IGLL5: variants seen among roughly 807,000 people sequenced by gnomAD.
IGLL5 encodes the protein immunoglobulin lambda-like polypeptide 5.
IGLL5 carries 30 observed loss-of-function variants against 20.9 expected under a neutral mutation model. The observed-to-expected ratio is 1.44, with a 90% CI of 1.07 to 1.95. The LOEUF (loss-of-function observed/expected upper bound fraction) is 1.95, where lower values mean the gene tolerates loss of function less well. Ranked by LOEUF, IGLL5 falls within the 30% of genes most tolerant of loss-of-function variation. IGLL5 has a pLI of 0.00. For missense variants in IGLL5, 475 were observed against 270.7 expected (o/e 1.75, Z -5.30); for synonymous variants, 203 against 117.3 (o/e 1.73, Z -4.72).
chr22:22,894,329 A>C (rs553732169), intron 2 of IGLL5, among the ~76,000 whole-genome samples: 3 of 151,390 alleles, frequency 2.0e-5, no homozygotes, highest in Middle Eastern at 7.4e-3. Flanking sequence ...AGGGGAGACC[A>C]ATGGAGGGCA....
chr22:22,895,512 A>T lies in IGLL5; in HGVS notation c.463A>T (p.Ser155Cys), dbSNP rs764577020. Residue 155 changes from serine (S) to cysteine (C), a missense_variant, in exon 3 of 3, where the codon AGC becomes TGC. Coordinates refer to ENST00000526893, the MANE Select transcript of IGLL5 (RefSeq NM_001178126.2). Reference sequence around the variant, plus strand: ...GACAGTGGCCTGGAAGGCAGATGGCAGCCCCGTCAAGGCGGGAGTGGAGAC... The same window carrying T: ...GACAGTGGCCTGGAAGGCAGATGGCTGCCCCGTCAAGGCGGGAGTGGAGAC... ...AVTVAWKADG[S>C]PVKAGVETTK... The T allele has an allele frequency of 6.2e-7, 1 of 1,612,618 alleles. No individual in the cohort carries two copies. Among genetic ancestry groups the T allele is most frequent in the African/African-American group, 1.3e-5 (1 of 74,768 alleles).
At chr22:22,890,100 T>G (rs577532085) in intron 1 of IGLL5, among the ~76,000 whole-genome samples, 1 of 150,778 alleles carries the variant, frequency 6.6e-6, no homozygotes, top group Admixed American at 6.7e-5. Context: ...TCATGTGCAT[T>G]ACTCTTTTTG....
chr22:22,894,114 T>G (rs188476435), intron 2 of IGLL5, among the ~76,000 whole-genome samples: 2 of 151,480 alleles, frequency 1.3e-5, no homozygotes, highest in South Asian at 4.2e-4. Context: ...AGGCTGGTTC[T>G]GATGAGGGGC....
intron 2 of IGLL5, among the ~76,000 whole-genome samples, chr22:22,894,693 A>C (rs1601628124): frequency 6.6e-6 from 1 of 151,320 alleles, no homozygotes; most frequent in African/African-American, 2.4e-5. Context: ...GGGGCTGCTG[A>C]GTCTCATAGT....
At chr22:22,888,884 T>A (rs182419011) in intron 1 of IGLL5, among the ~76,000 whole-genome samples, 7 of 151,358 alleles carry the variant, frequency 4.6e-5, no homozygotes, top group Middle Eastern at 3.7e-3. Flanking sequence ...TCTGGGATGA[T>A]GCCCAGGCTG....
At chr22:22,888,421 A>G (rs529094609) in intron 1 of IGLL5, among the ~76,000 whole-genome samples, 162 bp downstream of exon 1, 2 of 151,504 alleles carry the variant, frequency 1.3e-5, no homozygotes, top group African/African-American at 2.4e-5. Flanking sequence ...TGTCCATCAC[A>G]GATTTGTTTG....
chr22:22,894,335 G>C (rs956893465), intron 2 of IGLL5, among the ~76,000 whole-genome samples: 1 of 151,518 alleles, frequency 6.6e-6, no homozygotes, highest in African/African-American at 2.4e-5. Context: ...GACCAATGGA[G>C]GGCACAGAGA....
chr22:22,888,046 G>C lies in IGLL5; in HGVS notation c.-8G>C, dbSNP rs564804719. 1 of 1,548,686 alleles carries C rather than the reference G, an allele frequency of 6.5e-7. No individual in the cohort carries two copies. The highest frequency in any genetic ancestry group is 2.0e-5 in the Admixed American group (1 of 50,788). On this transcript the variant is annotated 5_prime_UTR_variant, in exon 1 of 3. Coordinates refer to ENST00000526893, the MANE Select transcript of IGLL5 (RefSeq NM_001178126.2). ...TCGGGCCAGAGGTGCCCCTGAACCT[G>C]AAGGCCAATGAGACCCAAGACAGGC... is the stretch of plus-strand genomic sequence containing the variant.
intron 1 of IGLL5, 84 bp downstream of exon 1, chr22:22,888,343 G>A (rs563000053): frequency 8.3e-6 from 11 of 1,331,728 alleles, no homozygotes; most frequent in African/African-American, 2.9e-5. Context: ...AGCCAGAGGA[G>A]TGAGGAGGAA....
In IGLL5 at chr22:22,895,849, AT is replaced by A. The variant is rs1182379278; in HGVS notation, c.*163del. On this transcript the variant is annotated 3_prime_UTR_variant, in exon 3 of 3. Coordinates refer to ENST00000526893, the MANE Select transcript of IGLL5 (RefSeq NM_001178126.2). ...ACAACCAGAAATCTTGTTTTATCTC[AT>A]TTTTTTTCTCACATAAATTGCTAGC... 31 of 776,384 alleles carry A rather than the reference AT, an allele frequency of 4.0e-5. No homozygotes were observed. The highest frequency in any genetic ancestry group is 3.6e-4 in the Admixed American group (15 of 41,350). 48.1% of individuals were successfully genotyped at this position (776,384 alleles called of 1,614,324 possible).
At chr22:22,894,313 A>T (rs539006409) in intron 2 of IGLL5, among the ~76,000 whole-genome samples, 5 of 151,238 alleles carry the variant, frequency 3.3e-5, no homozygotes, top group Middle Eastern at 3.7e-3. Context: ...CACAGAGGTC[A>T]CCCCAAGGGG....
Position 22,888,174 on chromosome 22 carries a change from C to A in IGLL5, c.121C>A (p.Pro41Thr), listed in dbSNP as rs1190804134. The A allele has an allele frequency of 2.6e-6, 4 of 1,548,994 alleles. No homozygotes were observed. The highest frequency in any genetic ancestry group is 3.5e-6 in the Non-Finnish European group (4 of 1,146,626). Reference sequence around the variant, plus strand: ...CATGGTCGCCCATGGCCTGCTGCGCCCAATGGTTGCACCGCAAAGCGGGGA... The same window carrying A: ...CATGGTCGCCCATGGCCTGCTGCGCACAATGGTTGCACCGCAAAGCGGGGA... ...LAMVAHGLLR[P>T]MVAPQSGDPD... Residue 41 changes from proline (P) to threonine (T), a missense_variant, in exon 1 of 3, where the codon CCA becomes ACA. By Grantham distance (38) the Pro-to-Thr change is conservative. Transcript: ENST00000526893.
chr22:22,894,262 T>C (rs540071095), intron 2 of IGLL5, among the ~76,000 whole-genome samples: 1 of 150,932 alleles, frequency 6.6e-6, no homozygotes, highest in East Asian at 2.1e-4. Context: ...GGCTGAGGAC[T>C]GGATGCCAAT....
chr22:22,889,530 G>A (rs1569082551), intron 1 of IGLL5, among the ~76,000 whole-genome samples: 1 of 151,140 alleles, frequency 6.6e-6, no homozygotes, highest in Non-Finnish European at 1.5e-5. Context: ...GGAGAAAACT[G>A]GAAAAAATCC....
intron 2 of IGLL5, among the ~76,000 whole-genome samples, 162 bp downstream of exon 2, chr22:22,893,980 A>G (rs547724941): frequency 8.6e-5 from 13 of 151,128 alleles, no homozygotes; most frequent in South Asian, 6.4e-4. Flanking sequence ...TCTCCGGGTA[A>G]CCGGCAGGAA....
intron 1 of IGLL5, among the ~76,000 whole-genome samples, chr22:22,892,870 C>T (rs2067892160): frequency 6.6e-6 from 1 of 150,780 alleles, no homozygotes; most frequent in South Asian, 2.1e-4. Context: ...GAAAGGGAAG[C>T]CAAGGAGGAG....
At chr22:22,889,243 T>C (rs1341307100) in intron 1 of IGLL5, among the ~76,000 whole-genome samples, 3 of 150,986 alleles carry the variant, frequency 2.0e-5, no homozygotes, top group East Asian at 2.0e-4. Context: ...GACACTCAGA[T>C]TCAGAGCACC....
At chr22:22,888,829 G>A (rs537139164) in intron 1 of IGLL5, among the ~76,000 whole-genome samples, 1 of 151,458 alleles carries the variant, frequency 6.6e-6, no homozygotes, top group African/African-American at 2.4e-5. Flanking sequence ...ATTGGAACAG[G>A]CCCACGGCCC....
intron 1 of IGLL5, among the ~76,000 whole-genome samples, chr22:22,888,780 A>G (rs573577562): frequency 4.0e-5 from 6 of 151,404 alleles, no homozygotes; most frequent in East Asian, 4.1e-4. Flanking sequence ...GCTCAAGGAC[A>G]CAGGGAGGGT....
Sources: gnomAD v4.1 joint callset for allele counts (sites outside exome capture counted in the v4.1 genomes callset) on GRCh38, gnomAD v4.1.1 for gene constraint, MANE v1.5 for transcripts, NCBI Gene and HGNC (gene_info 2026-07-23, HGNC 2026-07-21) for gene names.